DNAH8: variants seen among roughly 807,000 people sequenced by gnomAD.
DNAH8 encodes the protein dynein axonemal heavy chain 8, also known as axonemal beta dynein heavy chain 8.
DNAH8 carries 382 observed loss-of-function variants against 562.1 expected under a neutral mutation model. The observed-to-expected ratio is 0.68, with a 90% confidence interval of 0.63 to 0.74. DNAH8 has a LOEUF of 0.74. Among genes scored for constraint, DNAH8 ranks in the 30% least tolerant of loss-of-function variants. The pLI is 0.00. For synonymous variants in DNAH8, 1,881 were observed against 1,919.4 expected (o/e 0.98, Z 0.52); for missense variants, 5,203 against 5,620.4 (o/e 0.93, Z 2.37).
intron 88 of DNAH8, among the ~76,000 whole-genome samples, chr6:38,994,612 G>A (rs1408675955): frequency 6.7e-6 from 1 of 150,208 alleles, no homozygotes; most frequent in African/African-American, 2.5e-5. Context: ...TTTCAGAATA[G>A]CAATCCAGTT....
At chr6:38,871,797 C>T (rs1777486041) in intron 49 of DNAH8, among the ~76,000 whole-genome samples, 2 of 152,140 alleles carry the variant, frequency 1.3e-5, no homozygotes, top group African/African-American at 4.8e-5. Flanking sequence ...TTGGCAGGCA[C>T]AAAGAGTAGG....
chr6:38,755,100 T>C (rs1765790441), intron 9 of DNAH8, among the ~76,000 whole-genome samples: 1 of 152,116 alleles, frequency 6.6e-6, no homozygotes, highest in Admixed American at 6.5e-5. Flanking sequence ...CATGTTTACC[T>C]TAACAGGGAG....
chr6:38,854,962 A>G (rs1216504679), intron 41 of DNAH8, among the ~76,000 whole-genome samples: 1 of 148,654 alleles, frequency 6.7e-6, no homozygotes, highest in Non-Finnish European at 1.5e-5. Context: ...TATACAATGT[A>G]TATAATACTA....
Position 38,842,701 on chromosome 6 carries a change from C to A in DNAH8, c.4643C>A (p.Ala1548Asp). The A allele has an allele frequency of 6.2e-7, 1 of 1,613,528 alleles. No homozygotes were observed. Among genetic ancestry groups the A allele is most frequent in the Non-Finnish European group, 8.5e-7 (1 of 1,179,780 alleles). The stretch of plus-strand genomic sequence containing the variant: ...CCAAAAGGACTTAAAGATTGGCAAG[C>A]TTTTTTGGATCTCAAAAAGAGAATT... ...KLPKGLKDWQ[A>D]FLDLKKRIDD... is the part of the protein sequence containing the mutation. Residue 1548 changes from alanine to aspartate, a missense_variant, in exon 35 of 93, where the codon GCT becomes GAT. Physicochemically the swap from Ala to Asp is moderately radical, Grantham distance 126. Around this residue, in one of 6 missense-constraint regions of DNAH8, gnomAD observed 2,176 missense variants for 2,365.1 expected, o/e 0.92. Coordinates refer to ENST00000327475, the MANE Select transcript of DNAH8 (RefSeq NM_001206927.2).
intron 76 of DNAH8, among the ~76,000 whole-genome samples, chr6:38,934,362 A>C (rs1256065572): frequency 6.6e-6 from 1 of 152,142 alleles, no homozygotes; most frequent in African/African-American, 2.4e-5. Flanking sequence ...CAAAAAAACA[A>C]AACAAAACAA....
At chr6:38,798,042 C>G (rs1770444581) in intron 21 of DNAH8, among the ~76,000 whole-genome samples, 1 of 151,876 alleles carries the variant, frequency 6.6e-6, no homozygotes, top group South Asian at 2.1e-4. Context: ...CGTGTCCACT[C>G]CAGCCTGGGC....
chr6:39,028,424 G>A (rs1332655101), intron 92 of DNAH8, among the ~76,000 whole-genome samples: 4 of 152,176 alleles, frequency 2.6e-5, no homozygotes, highest in Non-Finnish European at 5.9e-5. Flanking sequence ...GGTGGTTACT[G>A]ACAATCTTTG....
intron 87 of DNAH8, among the ~76,000 whole-genome samples, chr6:38,988,497 A>G (rs904697682): frequency 6.6e-6 from 1 of 152,186 alleles, no homozygotes; most frequent in Non-Finnish European, 1.5e-5. Flanking sequence ...CACGTCGTGA[A>G]AAATCTAATA....
chr6:38,992,000 T>C (rs1764825490), intron 88 of DNAH8, among the ~76,000 whole-genome samples: 1 of 152,064 alleles, frequency 6.6e-6, no homozygotes, highest in Non-Finnish European at 1.5e-5. Context: ...AATTTCGCTC[T>C]TGTTGCCCAG....
intron 1 of DNAH8, among the ~76,000 whole-genome samples, chr6:38,721,431 G>A (rs1338567617): frequency 1.3e-5 from 2 of 151,948 alleles, no homozygotes; most frequent in Non-Finnish European, 2.9e-5. Context: ...CACAAGCCTG[G>A]GAGGTCAAAG....
rs377254876 is a variant in DNAH8, at chr6:38,874,068, T to TTCTC, written c.7620+693_7620+694insCTCT. 3.5e-5 allele frequency among the ~76,000 whole-genome samples: 2 copies of TTCTC among 57,076 alleles called. 1 individual carries two copies. The highest frequency in any genetic ancestry group is 2.3e-3 in the East Asian group (2 of 856). 37.4% of individuals were successfully genotyped at this position (57,076 alleles called of 152,430 possible). A position where few individuals can be genotyped will look rare whatever the true frequency, so the allele number is the denominator to read the frequency against. On this transcript the variant is annotated intron_variant, in intron 52 of 92. Transcript: ENST00000327475. ...TTTCTTTCTTTCTTTCTTTCTTTCTTTTTCTTTCTTTCTTTCTTTCTTTCT... is the reference window on the plus strand; with the variant it reads ...TTTCTTTCTTTCTTTCTTTCTTTCTTTCTCTTTCTTTCTTTCTTTCTTTCTTTCT...
At chr6:38,759,522 T>C (rs1278519370) in intron 10 of DNAH8, among the ~76,000 whole-genome samples, 1 of 152,200 alleles carries the variant, frequency 6.6e-6, no homozygotes, top group African/African-American at 2.4e-5. Flanking sequence ...GTCTCTCTCA[T>C]TCTTGCCATA....
chr6:38,784,968 A>AT (rs1184430228), intron 17 of DNAH8, among the ~76,000 whole-genome samples: 1 of 152,202 alleles, frequency 6.6e-6, no homozygotes, highest in Non-Finnish European at 1.5e-5. Context: ...ATGAGTAATA[A>AT]TTTTATCAAG....
At chr6:39,010,779 A>G (rs1425203350) in intron 89 of DNAH8, among the ~76,000 whole-genome samples, 1 of 139,262 alleles carries the variant, frequency 7.2e-6, no homozygotes, top group African/African-American at 2.8e-5. Context: ...ATATATATAT[A>G]TACACACACA....
rs536603017 is a variant in DNAH8 at position 38,731,323 on chromosome 6, A to T, written c.610+1337A>T. Among the ~76,000 whole-genome samples, 257 of 152,370 alleles carry T rather than the reference A, an allele frequency of 1.7e-3. 1 individual carries two copies. In the Middle Eastern group the frequency reaches 0.017, roughly 10 times the overall value. On this transcript the variant is annotated intron_variant, in intron 4 of 92. Transcript: ENST00000327475. ...GAATATTTCTCTATAACTGGTTTATATACATATTTTACAAAAATGGGATCC... is the reference window on the plus strand; with the variant it reads ...GAATATTTCTCTATAACTGGTTTATTTACATATTTTACAAAAATGGGATCC...
chr6:38,792,830 C>G (rs910729296), intron 21 of DNAH8, among the ~76,000 whole-genome samples: 1 of 152,200 alleles, frequency 6.6e-6, no homozygotes, highest in East Asian at 1.9e-4. Context: ...TCAGGTTGTT[C>G]TGCAGTGGTG....
chr6:38,762,424 C>T lies in DNAH8; in HGVS notation c.1617+621C>T, dbSNP rs535418272. On this transcript the variant is annotated intron_variant, in intron 11 of 92. Transcript: ENST00000327475. ...TCCTAACGTTTCTGGGTAAACTCAA[C>T]TTGGTCGTGGTGTAATTATCTTTTT... 1.4e-3 allele frequency among the ~76,000 whole-genome samples: 218 copies of T among 152,218 alleles called. 2 individuals are homozygous for T. Among genetic ancestry groups the T allele is most frequent in the African/African-American group, 5.1e-3 (212 of 41,548 alleles).
At chr6:39,027,998 A>T (rs1381009353) in intron 92 of DNAH8, among the ~76,000 whole-genome samples, 1 of 152,074 alleles carries the variant, frequency 6.6e-6, no homozygotes, top group East Asian at 1.9e-4. Flanking sequence ...GATGATTTCC[A>T]AGTTCTAGCC....
chr6:38,872,646 G>C lies in DNAH8; in HGVS notation c.7101G>C (p.Arg2367Ser). Residue 2367 changes from arginine to serine, a missense_variant, in exon 50 of 93, where the codon AGG becomes AGC. By Grantham distance (110) the Arg-to-Ser change is moderately radical (BLOSUM62 -1). Coordinates refer to ENST00000327475, the MANE Select transcript of DNAH8 (RefSeq NM_001206927.2). ...ILMKAQTECG[R>S]PHREMRMNPK... ...TGAAGGCGCAAACAGAATGCGGAAG[G>C]CCTCATAGAGAAATGCGAATGAATC... The C allele has an allele frequency of 6.2e-7, 1 of 1,614,096 alleles. No individual in the cohort carries two copies. Among genetic ancestry groups the C allele is most frequent in the Non-Finnish European group, 8.5e-7 (1 of 1,179,986 alleles).
Sources: gnomAD v4.1 joint callset for allele counts (sites outside exome capture counted in the v4.1 genomes callset) on GRCh38, gnomAD v4.1.1 for gene constraint, gnomAD v4.1.1 regional missense constraint, MANE v1.5 for transcripts, NCBI Gene and HGNC (gene_info 2026-07-23, HGNC 2026-07-21) for gene names.